The following SSH2 variants were observed in gnomAD, a reference collection of about 807,000 sequenced individuals.
SSH2 encodes the protein protein phosphatase Slingshot homolog 2.
SSH2 carries 37 observed loss-of-function variants against 135.2 expected under a neutral mutation model. That is an observed-to-expected ratio of 0.27 (90% CI 0.21 to 0.36). SSH2 has a LOEUF of 0.36. SSH2 is among the 10% of genes least tolerant of loss of function. SSH2 has a pLI of 1.00. For synonymous variants in SSH2, 628 were observed against 646.2 expected, an observed-to-expected ratio of 0.97 and a Z score of 0.43; for missense variants, 1,408 against 1,765.3, an observed-to-expected ratio of 0.80 and a Z score of 3.63.
chr17:29,918,929 C>T (rs1314628865), intron 1 of SSH2, among the ~76,000 whole-genome samples: 2 of 151,566 alleles, frequency 1.3e-5, no homozygotes, highest in Non-Finnish European at 2.9e-5. Flanking sequence ...AGAACGAGAC[C>T]GTCTCAAATA....
intron 3 of SSH2, among the ~76,000 whole-genome samples, chr17:29,729,324 C>T (rs1319617898): frequency 6.6e-6 from 1 of 152,100 alleles, no homozygotes; most frequent in African/African-American, 2.4e-5. Context: ...AAATGCAAAC[C>T]AAAACTACAA....
chr17:29,781,519 G>T (rs963121920), intron 3 of SSH2, among the ~76,000 whole-genome samples: 11 of 108,858 alleles, frequency 1.0e-4, no homozygotes, highest in South Asian at 5.7e-4. Context: ...TCACTCCATT[G>T]CCCGGGCTAG....
intron 2 of SSH2, among the ~76,000 whole-genome samples, chr17:29,839,881 A>G (rs531326146): frequency 2.0e-5 from 3 of 152,344 alleles, no homozygotes; most frequent in South Asian, 4.1e-4. Flanking sequence ...CACTACCAGC[A>G]TGGTCACATA....
In SSH2 at chr17:29,648,339, T is replaced by A. The variant is rs1427290222; in HGVS notation, c.1232A>T (p.His411Leu). ...GCAGTGCACAAGGCATTTAGATCCA[T>A]GTTTCCTTGTTTGGGGGATTGAGGT... ...TYKFISKAKK[H>L]GSKCLVHCKM... The change falls in exon 14 of 16, where the codon CAT (histidine) becomes CTT (leucine). Residue 411 changes from histidine to leucine, a missense_variant. Physicochemically the swap from His to Leu is moderately conservative, Grantham distance 99 (BLOSUM62 -3). Coordinates refer to ENST00000540801, the MANE Select transcript of SSH2 (RefSeq NM_001282129.2). 3.1e-6 allele frequency: 5 copies of A among 1,600,440 alleles called. No individual in the cohort carries two copies. Among genetic ancestry groups the A allele is most frequent in the Non-Finnish European group, 3.4e-6 (4 of 1,171,966 alleles).
At chr17:29,692,946 G>C (rs772269916) in intron 5 of SSH2, among the ~76,000 whole-genome samples, 1 of 152,210 alleles carries the variant, frequency 6.6e-6, no homozygotes, top group Non-Finnish European at 1.5e-5. Context: ...TAAAGTTGGA[G>C]AATCATTGCT....
intron 3 of SSH2, among the ~76,000 whole-genome samples, chr17:29,734,175 C>T (rs912836444): frequency 2.0e-5 from 3 of 152,080 alleles, no homozygotes; most frequent in African/African-American, 7.2e-5. Flanking sequence ...CCCACCTCGG[C>T]CTCCCAAAGT....
At chr17:29,701,259 C>T (rs1319442550) in intron 4 of SSH2, among the ~76,000 whole-genome samples, 1 of 152,200 alleles carries the variant, frequency 6.6e-6, no homozygotes, top group African/African-American at 2.4e-5. Context: ...GCGTGAGCCA[C>T]TGTGCCCGGC....
intron 8 of SSH2, among the ~76,000 whole-genome samples, chr17:29,673,710 C>T (rs899165047): frequency 7.2e-5 from 11 of 152,166 alleles, no homozygotes; most frequent in South Asian, 4.2e-4. Context: ...AAGATTTTAG[C>T]GTAGATCTTT....
chr17:29,724,539 A>C (rs1227720046), intron 3 of SSH2, among the ~76,000 whole-genome samples: 1 of 149,798 alleles, frequency 6.7e-6, no homozygotes, highest in Admixed American at 6.6e-5. Flanking sequence ...AAAAAAAAAA[A>C]AAAAAAACAA....
chr17:29,848,823 C>G, intron 2 of SSH2, 26 bp downstream of exon 2: 1 of 1,427,882 alleles, frequency 7.0e-7, no homozygotes, highest in Non-Finnish European at 9.5e-7. Flanking sequence ...TCACCAAAGT[C>G]TGTATAAAAA....
intron 1 of SSH2, among the ~76,000 whole-genome samples, chr17:29,902,654 T>C (rs143696471): frequency 3.3e-5 from 5 of 152,228 alleles, no homozygotes; most frequent in East Asian, 3.9e-4. Context: ...CTGAGAGTAA[T>C]TGGCTAAAAA....
At chr17:29,922,974 A>G (rs1323817395) in intron 1 of SSH2, among the ~76,000 whole-genome samples, 2 of 152,320 alleles carry the variant, frequency 1.3e-5, no homozygotes, top group East Asian at 3.9e-4. Flanking sequence ...GCAGTGGCAC[A>G]ATCTTGGCTC....
rs570673126 is a variant in SSH2 at position 29,734,010 on chromosome 17, C to G, written c.189-30948G>C. On this transcript the variant is annotated intron_variant, in intron 3 of 15. Coordinates refer to ENST00000540801, the MANE Select transcript of SSH2 (RefSeq NM_001282129.2). Reference sequence around the variant, plus strand: ...ATTGCCTCACTGCTACCTCCACCTCCTGGGTTCAAGCGATTCTCCTGCCTC... The same window carrying G: ...ATTGCCTCACTGCTACCTCCACCTCGTGGGTTCAAGCGATTCTCCTGCCTC... Among the ~76,000 whole-genome samples, 6 of 151,730 alleles carry G rather than the reference C, an allele frequency of 4.0e-5. No homozygotes were observed. The South Asian group carries it at 1.2e-3, about 32-fold the overall frequency.
chr17:29,878,502 T>C (rs1373216732), intron 1 of SSH2, among the ~76,000 whole-genome samples: 1 of 152,208 alleles, frequency 6.6e-6, no homozygotes, highest in Non-Finnish European at 1.5e-5. Flanking sequence ...TTGCCTAGCA[T>C]AGTGTGTGAC....
chr17:29,848,984 G>A (rs570433531), intron 1 of SSH2, 55 bp from the exon 2 acceptor site: 7 of 1,204,448 alleles, frequency 5.8e-6, no homozygotes, highest in South Asian at 5.3e-5. Context: ...CCATAAGCAC[G>A]AGGGGAAAAG....
chr17:29,666,541 G>C (rs1176447038), intron 11 of SSH2, among the ~76,000 whole-genome samples: 1 of 152,008 alleles, frequency 6.6e-6, no homozygotes, highest in African/African-American at 2.4e-5. Flanking sequence ...AAATTAGCTG[G>C]GTGTGGTGGT....
chr17:29,647,141 A>G (rs1598714172), intron 14 of SSH2, among the ~76,000 whole-genome samples: 1 of 151,968 alleles, frequency 6.6e-6, no homozygotes, highest in East Asian at 2.0e-4. Context: ...GGGCACCTGT[A>G]GTCCCAGCTA....
intron 1 of SSH2, among the ~76,000 whole-genome samples, chr17:29,921,593 T>A (rs76654772): frequency 6.6e-6 from 1 of 152,098 alleles, no homozygotes; most frequent in Non-Finnish European, 1.5e-5. Flanking sequence ...TTTTTTTTTT[T>A]AAGAGGGAGT....
intron 3 of SSH2, among the ~76,000 whole-genome samples, chr17:29,753,792 G>GAA (rs58985020): frequency 3.3e-5 from 4 of 120,118 alleles, no homozygotes; most frequent in Admixed American, 1.7e-4. Context: ...GACTCTGTCT[G>GAA]AAAAAAAAAA....
Sources: gnomAD v4.1 joint callset for allele counts (sites outside exome capture counted in the v4.1 genomes callset) on GRCh38, gnomAD v4.1.1 for gene constraint, MANE v1.5 for transcripts, NCBI Gene and HGNC (gene_info 2026-07-23, HGNC 2026-07-21) for gene names.